The following SHOC1 variants were observed in gnomAD, a reference collection of about 807,000 sequenced individuals.
The protein encoded by SHOC1 is shortage in chiasmata 1.
A neutral mutation model predicts 179.2 loss-of-function variants in SHOC1; 136 were observed. The ratio of observed to expected loss-of-function variants is 0.76; its 90% CI spans 0.66 to 0.87. The LOEUF (loss-of-function observed/expected upper bound fraction) is 0.87. Among genes scored for constraint, SHOC1 ranks in the 40% least tolerant of loss-of-function variants. The probability of loss-of-function intolerance (pLI) is 0.00; values close to 1 mark genes in which losing one functional copy is unlikely to be tolerated. For synonymous variants in SHOC1, 489 were observed against 586.6 expected (o/e 0.83, Z 2.41); for missense variants, 1,538 against 1,700.8 (o/e 0.90, Z 1.68).
chr9:111,770,039 CTTTA>C (rs1053411162), intron 5 of SHOC1, among the ~76,000 whole-genome samples: 2 of 39,354 alleles, frequency 5.1e-5, no homozygotes, highest in African/African-American at 2.4e-4. Context: ...CTGCTCTGAT[CTTTA>C]TTGTTTCTTT....
chr9:111,718,041 T>G, intron 16 of SHOC1, 143 bp downstream of exon 16: 1 of 519,754 alleles, frequency 1.9e-6, no homozygotes, highest in East Asian at 3.6e-5. Flanking sequence ...ATTAGAATTA[T>G]GTCAAAATGT....
intron 12 of SHOC1, chr9:111,737,956 C>A: frequency 3.0e-6 from 1 of 333,480 alleles, no homozygotes; most frequent in Non-Finnish European, 5.4e-6. Context: ...GCGTCTAGGC[C>A]AATGTGAACG....
intron 2 of SHOC1, among the ~76,000 whole-genome samples, chr9:111,787,537 G>A (rs1173846197): frequency 6.6e-6 from 1 of 152,178 alleles, no homozygotes; most frequent in Non-Finnish European, 1.5e-5. Flanking sequence ...GCCTGAAGTT[G>A]TGGTTGAATT....
At position 111,727,738 on chromosome 9, in the gene SHOC1, T is replaced by C; in HGVS notation, c.1729A>G (p.Lys577Glu). The change falls in exon 13 of 28, where the codon AAA becomes GAA. Residue 577 changes from lysine (K) to glutamate (E), a missense_variant. Coordinates refer to ENST00000682961, the MANE Select transcript of SHOC1 (RefSeq NM_001378211.1). ...AAAAGGTCCAAATCATTCTCTTGTT[T>C]TTTGCCATGTTCAAAAGATGCTTTT... ...IKKASFEHGKKQENDLDLLSD... is the reference protein window; with the variant it reads ...IKKASFEHGKEQENDLDLLSD... The C allele has an allele frequency of 1.2e-6, 2 of 1,613,522 alleles. No homozygotes were observed. The highest frequency in any genetic ancestry group is 2.2e-5 in the South Asian group (2 of 91,006).
chr9:111,775,131 A>C (rs1439359119), intron 5 of SHOC1, among the ~76,000 whole-genome samples: 1 of 151,912 alleles, frequency 6.6e-6, no homozygotes, highest in East Asian at 1.9e-4. Context: ...AAGTAGAGGG[A>C]TTACAGGTGC....
chr9:111,694,373 T>A lies in SHOC1; in HGVS notation c.3184-11A>T. On this transcript the variant is annotated splice_polypyrimidine_tract_variant and intron_variant, in intron 24 of 27. Transcript: ENST00000682961. ...TGGGGCAATTATAAGCTAAAAAATA[T>A]TTTTTATGTTAGATTATAGGAAATA... 1 of 1,587,540 alleles carries A rather than the reference T, an allele frequency of 6.3e-7. No homozygotes were observed. The highest frequency in any genetic ancestry group is 8.6e-7 in the Non-Finnish European group (1 of 1,162,658).
At chr9:111,757,191 C>A (rs1355743948) in intron 7 of SHOC1, among the ~76,000 whole-genome samples, 1 of 152,152 alleles carries the variant, frequency 6.6e-6, no homozygotes, top group Non-Finnish European at 1.5e-5. Context: ...CAAGCTCCGC[C>A]TCCTGGGTTC....
At chr9:111,767,038 AT>A (rs57810014) in intron 5 of SHOC1, among the ~76,000 whole-genome samples, 112,706 of 150,718 alleles carry the variant, frequency 0.75, 42,543 homozygotes, top group East Asian at 0.89. Flanking sequence ...TTTTAATTGG[AT>A]TTTTTTTTTT....
chr9:111,770,005 T>TTTTTTTTTTTG (rs1835532448), intron 5 of SHOC1, among the ~76,000 whole-genome samples: 1 of 138,292 alleles, frequency 7.2e-6, no homozygotes, highest in Non-Finnish European at 1.6e-5. Flanking sequence ...TTTTTTTTTT[T>TTTTTTTTTTTG]TTTAGTCTTA....
intron 10 of SHOC1, among the ~76,000 whole-genome samples, chr9:111,745,317 A>T (rs1351926120): frequency 1.3e-5 from 2 of 152,212 alleles, no homozygotes; most frequent in Non-Finnish European, 2.9e-5. Flanking sequence ...TTGTAGATTT[A>T]AAAAACCTGA....
At chr9:111,788,008 T>A (rs548472035) in intron 2 of SHOC1, among the ~76,000 whole-genome samples, 2 of 152,224 alleles carry the variant, frequency 1.3e-5, no homozygotes, top group Admixed American at 6.5e-5. Flanking sequence ...ATGCCCATGG[T>A]TTTTTAAGAC....
intron 13 of SHOC1, 70 bp downstream of exon 13, chr9:111,727,563 T>G: frequency 7.6e-7 from 1 of 1,321,638 alleles, no homozygotes; most frequent in South Asian, 1.8e-5. Context: ...CTCCTTGCCT[T>G]CTATAATAAA....
chr9:111,731,034 A>G (rs1285884915), intron 12 of SHOC1, among the ~76,000 whole-genome samples: 2 of 152,116 alleles, frequency 1.3e-5, no homozygotes, highest in South Asian at 2.1e-4. Flanking sequence ...TCATGAACCA[A>G]TCTCTGTTAG....
chr9:111,705,387 A>G, intron 20 of SHOC1, 23 bp from the exon 21 acceptor site: 1 of 1,255,548 alleles, frequency 8.0e-7, no homozygotes, highest in Non-Finnish European at 1.1e-6. Flanking sequence ...AAATTTATAA[A>G]TATTTCTCTT....
chr9:111,687,101 C>A (rs1163072075), intron 27 of SHOC1, among the ~76,000 whole-genome samples: 4 of 152,012 alleles, frequency 2.6e-5, no homozygotes, highest in Non-Finnish European at 4.4e-5. Flanking sequence ...CACCTGCCAC[C>A]ACGCCCGGCT....
chr9:111,770,315 G>T (rs1835551259), intron 5 of SHOC1, among the ~76,000 whole-genome samples: 1 of 151,822 alleles, frequency 6.6e-6, no homozygotes. Context: ...ATTTCCATGT[G>T]TTTGTGCATT....
In SHOC1 at chr9:111,711,834, T is replaced by A. The variant is rs150332557; in HGVS notation, c.2488+1266A>T. On this transcript the variant is annotated intron_variant, in intron 18 of 27. Coordinates refer to ENST00000682961, the MANE Select transcript of SHOC1 (RefSeq NM_001378211.1). ...GAGTTTGTAGTAGTACCAATCTATA[T>A]GACTATGTGATTCTCTCCAATAGCG... Among the ~76,000 whole-genome samples, 377 of 152,300 alleles carry A rather than the reference T, an allele frequency of 2.5e-3. 1 individual carries two copies. Among genetic ancestry groups the A allele is most frequent in the African/African-American group, 8.2e-3 (342 of 41,570 alleles).
intron 12 of SHOC1, among the ~76,000 whole-genome samples, 178 bp from the exon 13 acceptor site, chr9:111,728,227 A>G (rs1415467737): frequency 2.0e-5 from 3 of 152,168 alleles, no homozygotes; most frequent in African/African-American, 7.2e-5. Context: ...TTTAAAAAGG[A>G]TCAAAATTTA....
chr9:111,789,926 C>T (rs1207077777), intron 2 of SHOC1, among the ~76,000 whole-genome samples: 2 of 152,122 alleles, frequency 1.3e-5, no homozygotes, highest in African/African-American at 4.8e-5. Context: ...TTTCTTATTT[C>T]CTGTAAAATG....
Sources: allele counts gnomAD v4.1 joint callset (sites outside exome capture counted in the v4.1 genomes callset), GRCh38; gene constraint gnomAD v4.1.1; transcripts MANE v1.5; gene names NCBI Gene and HGNC (gene_info 2026-07-23, HGNC 2026-07-21).